The following AZU1 variants were observed in gnomAD, a reference collection of about 807,000 sequenced individuals.
The protein encoded by AZU1 is azurocidin.
A neutral mutation model predicts 17.8 loss-of-function variants in AZU1; 21 were observed. The ratio of observed to expected loss-of-function variants is 1.18; its 90% confidence interval spans 0.84 to 1.70. The LOEUF is 1.70. Ranked by LOEUF, AZU1 falls within the 40% of genes most tolerant of loss-of-function variation. The pLI, the probability that AZU1 is intolerant of heterozygous loss-of-function variation, is 0.00. For synonymous variants in AZU1, 178 were observed against 155.2 expected, an observed-to-expected ratio of 1.15 and a Z score of -1.09; for missense variants, 379 against 362.9, an observed-to-expected ratio of 1.04 and a Z score of -0.36.
chr19:828,048 G>T (rs1244877742), intron 1 of AZU1, 144 bp downstream of exon 1: 2 of 1,386,762 alleles, frequency 1.4e-6, no homozygotes, highest in Non-Finnish European at 1.9e-6. Context: ...CGCGAAAGGC[G>T]TGAGGGCGGA....
rs595844 is a variant in AZU1 at position 830,854 on chromosome 19, T to C, written c.507T>C (p.Phe169=). Residue 169 remains phenylalanine (F), a synonymous_variant, in exon 4 of 5, where the codon TTT becomes TTC. Coordinates refer to ENST00000233997, the MANE Select transcript of AZU1 (RefSeq NM_001700.5). ...GGCGTCTCTCCCGTTTTCCCAGGTT[T>C]GTCAACGTGACTGTGACCCCCGAGG... ...SGGRLSRFPR[F]VNVTVTPEDQ... is the part of the protein sequence containing the mutation. 0.55 allele frequency: 891,639 copies of C among 1,607,524 alleles called. 252,694 individuals carry two copies. The highest frequency in any genetic ancestry group is 0.89 in the African/African-American group (66,463 of 74,952).
rs201600404 is a variant in AZU1, at chr19:827,904, G to T, written c.58G>T (p.Gly20Cys). 1 of 1,537,132 alleles carries T rather than the reference G, an allele frequency of 6.5e-7. No individual in the cohort carries two copies. The highest frequency in any genetic ancestry group is 2.4e-5 in the East Asian group (1 of 40,998). ...LAGLLASSRA[G>C]SSPLLDIVGG... ...TGGTCTGCTGGCGTCCTCGAGGGCC[G>T]GTGAGTGCCTCTCTGTGCCGGTGGT... Residue 20 changes from glycine (G) to cysteine (C), a missense_variant and splice_region_variant, in exon 1 of 5, where the codon GGC becomes TGC. Transcript: ENST00000233997.
At chr19:828,436 G>T in intron 2 of AZU1, 50 bp downstream of exon 2, 2 of 1,472,484 alleles carry the variant, frequency 1.4e-6, no homozygotes, top group Non-Finnish European at 1.8e-6. Context: ...CTCAGAGAAG[G>T]GGCTTGGGGG....
At chr19:828,180 G>T (rs1430768078) in intron 1 of AZU1, 50 bp from the exon 2 acceptor site, 20 of 1,537,922 alleles carry the variant, frequency 1.3e-5, no homozygotes, top group Non-Finnish European at 1.8e-5. Flanking sequence ...CGCCCTCCCG[G>T]CCACTGTGTG....
Position 827,889 on chromosome 19 carries a change from G to A in AZU1, c.43G>A (p.Ala15Thr), listed in dbSNP as rs1473230838. 2 of 1,537,286 alleles carry A rather than the reference G, an allele frequency of 1.3e-6. No individual in the cohort carries two copies. Among genetic ancestry groups the A allele is most frequent in the East Asian group, 2.4e-5 (1 of 41,002 alleles). The change falls in exon 1 of 5, where the codon GCG becomes ACG. Residue 15 changes from alanine to threonine, a missense_variant. By Grantham distance (58) the Ala-to-Thr change is moderately conservative. Coordinates refer to ENST00000233997, the MANE Select transcript of AZU1 (RefSeq NM_001700.5). ...TVLALLAGLLASSRAGSSPLL... is the reference protein window; with the variant it reads ...TVLALLAGLLTSSRAGSSPLL... ...CCTGGCCCTGCTGGCTGGTCTGCTG[G>A]CGTCCTCGAGGGCCGGTGAGTGCCT...
At chr19:830,377 A>C (rs1415311321) in intron 3 of AZU1, among the ~76,000 whole-genome samples, 3 of 152,206 alleles carry the variant, frequency 2.0e-5, no homozygotes, top group Non-Finnish European at 4.4e-5. Context: ...TGACAGAATC[A>C]TGTGAATGTT....
Position 830,788 on chromosome 19 carries a change from C to G in AZU1, c.441C>G (p.Thr147=). The change falls in exon 4 of 5, where the codon ACC becomes ACG. Residue 147 remains threonine (T), a synonymous_variant. Transcript: ENST00000233997. ...PLQNATVEAG[T]RCQVAGWGSQ... ...AGAACGCCACGGTGGAAGCCGGCAC[C>G]AGATGCCAGGTGGCCGGCTGGGGGA... is the stretch of plus-strand genomic sequence containing the variant. 2 of 1,605,984 alleles carry G rather than the reference C, an allele frequency of 1.2e-6. No individual in the cohort carries two copies. Among genetic ancestry groups the G allele is most frequent in the Non-Finnish European group, 8.5e-7 (1 of 1,179,880 alleles).
Position 829,590 on chromosome 19 carries a change from G to C in AZU1, c.244G>C (p.Gly82Arg). ...QNPGVSTVVL[G>R]AYDLRRRERQ... ...CCCCGGGGTTAGCACCGTGGTGCTG[G>C]GTGCCTATGACCTGAGGCGGCGGGA... The change falls in exon 3 of 5, where the codon GGT (glycine) becomes CGT (arginine). Residue 82 changes from glycine to arginine, a missense_variant. Transcript: ENST00000233997. 6.2e-7 allele frequency: 1 copy of C among 1,613,242 alleles called. No homozygotes were observed. The highest frequency in any genetic ancestry group is 8.5e-7 in the Non-Finnish European group (1 of 1,179,948).
In AZU1 at chr19:829,580, C is replaced by G. The variant is rs750313471; in HGVS notation, c.234C>G (p.Thr78=). ...CFQSQNPGVS[T]VVLGAYDLRR... is the part of the protein sequence containing the mutation. ...CTCTCAGGAACCCCGGGGTTAGCAC[C>G]GTGGTGCTGGGTGCCTATGACCTGA... Residue 78 remains threonine, a synonymous_variant, in exon 3 of 5, where the codon ACC becomes ACG. Transcript: ENST00000233997. 1.9e-6 allele frequency: 3 copies of G among 1,613,020 alleles called. No individual in the cohort carries two copies. Among genetic ancestry groups the G allele is most frequent in the Admixed American group, 3.3e-5 (2 of 59,962 alleles).
Position 830,943 on chromosome 19 carries a change from T to A in AZU1, c.594+2T>A, listed in dbSNP as rs776160226. 6.2e-7 allele frequency: 1 copy of A among 1,600,058 alleles called. No individual in the cohort carries two copies. The highest frequency in any genetic ancestry group is 8.5e-7 in the Non-Finnish European group (1 of 1,179,444). On this transcript the variant is annotated splice_donor_variant, in intron 4 of 4. Transcript: ENST00000233997. LOFTEE classifies it high-confidence loss of function. ...ACCCGCCGCGGTGGCATCTGCAATG[T>A]GAGTGCTCCCTGTGGCGGGAGGAGG...
chr19:828,408 G>T, intron 2 of AZU1, 22 bp downstream of exon 2: 1 of 1,526,500 alleles, frequency 6.6e-7, no homozygotes, highest in Non-Finnish European at 8.8e-7. Context: ...TGGGGAGGGG[G>T]CCTAGGGGGC....
chr19:831,369 T>C, intron 4 of AZU1: 1 of 346,184 alleles, frequency 2.9e-6, no homozygotes, highest in East Asian at 5.2e-5. Context: ...TGAGCCACCG[T>C]GCCTGGCTGA....
In AZU1 at chr19:827,907, G is replaced by A. The variant is rs1599269783; in HGVS notation, c.58+3G>A. The A allele has an allele frequency of 6.5e-7, 1 of 1,537,138 alleles. No homozygotes were observed. The highest frequency in any genetic ancestry group is 2.4e-5 in the East Asian group (1 of 41,006). ...TCTGCTGGCGTCCTCGAGGGCCGGTGAGTGCCTCTCTGTGCCGGTGGTCCC... is the reference window on the plus strand; with the variant it reads ...TCTGCTGGCGTCCTCGAGGGCCGGTAAGTGCCTCTCTGTGCCGGTGGTCCC... On this transcript the variant is annotated splice_donor_region_variant and intron_variant, in intron 1 of 4. Transcript: ENST00000233997.
chr19:830,490 G>A (rs1196729048), intron 3 of AZU1, among the ~76,000 whole-genome samples: 1 of 152,220 alleles, frequency 6.6e-6, no homozygotes, highest in Non-Finnish European at 1.5e-5. Context: ...TTGTTGGCCA[G>A]TTTGGTCTCG....
At chr19:830,269 T>G (rs996154754) in intron 3 of AZU1, among the ~76,000 whole-genome samples, 7 of 151,944 alleles carry the variant, frequency 4.6e-5, no homozygotes, top group African/African-American at 1.5e-4. Flanking sequence ...CAAAAAAAAC[T>G]TCCAAAAACA....
intron 3 of AZU1, 126 bp downstream of exon 3, chr19:829,832 T>C: frequency 7.5e-7 from 1 of 1,328,128 alleles, no homozygotes; most frequent in African/African-American, 1.5e-5. Flanking sequence ...CGCGCACCTG[T>C]GGCCCCTGTG....
intron 3 of AZU1, 87 bp from the exon 4 acceptor site, chr19:830,621 A>C (rs653847): frequency 0.46 from 527,850 of 1,137,054 alleles, 128,563 homozygotes; most frequent in African/African-American, 0.85. Context: ...GACTACAGTT[A>C]ATGTCGCTGA....
At chr19:831,464 G>C (rs1386977341) in intron 4 of AZU1, 2 of 512,166 alleles carry the variant, frequency 3.9e-6, no homozygotes, top group African/African-American at 3.9e-5. Flanking sequence ...GCCGGTCACT[G>C]AGGGACTCAG....
At chr19:829,867 C>T (rs545791919) in intron 3 of AZU1, among the ~76,000 whole-genome samples, 161 bp downstream of exon 3, 4 of 151,766 alleles carry the variant, frequency 2.6e-5, no homozygotes, top group Non-Finnish European at 5.9e-5. Flanking sequence ...GGCGGAAGGA[C>T]GGCTTGAGGT....
Sources: gnomAD v4.1 joint callset for allele counts (sites outside exome capture counted in the v4.1 genomes callset) on GRCh38, gnomAD v4.1.1 for gene constraint, MANE v1.5 for transcripts, NCBI Gene and HGNC (gene_info 2026-07-23, HGNC 2026-07-21) for gene names.